FGGY: variants seen among roughly 807,000 people sequenced by gnomAD.
The protein encoded by FGGY is FGGY carbohydrate kinase domain-containing protein.
A neutral mutation model predicts 71.3 loss-of-function variants in FGGY; 72 were observed. The observed-to-expected ratio is 1.01, with a 90% CI of 0.84 to 1.23. The LOEUF (loss-of-function observed/expected upper bound fraction) is 1.23. FGGY is among the 50% of genes most tolerant of loss of function. FGGY has a pLI of 0.00. For synonymous variants in FGGY, 251 were observed against 250.3 expected (o/e 1.00, Z -0.02); for missense variants, 668 against 682.3 (o/e 0.98, Z 0.23).
At chr1:59,711,233 T>G (rs1266211258) in intron 14 of FGGY, among the ~76,000 whole-genome samples, 1 of 151,952 alleles carries the variant, frequency 6.6e-6, no homozygotes, top group Non-Finnish European at 1.5e-5. Context: ...TAAGTGGTAG[T>G]TGAACAATGA....
At chr1:59,314,669 A>C (rs367792508) in intron 1 of FGGY, among the ~76,000 whole-genome samples, 2 of 152,124 alleles carry the variant, frequency 1.3e-5, no homozygotes, top group African/African-American at 4.8e-5. Flanking sequence ...TTTATTTTTT[A>C]GTGTTGTGGA....
At chr1:59,297,999 G>C (rs2042218277) in intron 1 of FGGY, among the ~76,000 whole-genome samples, 1 of 152,170 alleles carries the variant, frequency 6.6e-6, no homozygotes, top group South Asian at 2.1e-4. Flanking sequence ...GACCAGGAGG[G>C]GTGAGGTGCT....
chr1:59,309,199 CA>C (rs1200333765), intron 1 of FGGY, among the ~76,000 whole-genome samples: 1 of 152,012 alleles, frequency 6.6e-6, no homozygotes, highest in Non-Finnish European at 1.5e-5. Flanking sequence ...ACACTTTTGC[CA>C]AGTGGGTATT....
At chr1:59,559,962 G>T (rs779546544) in intron 8 of FGGY, among the ~76,000 whole-genome samples, 1 of 152,152 alleles carries the variant, frequency 6.6e-6, no homozygotes, top group Non-Finnish European at 1.5e-5. Flanking sequence ...TCAAGGAGGT[G>T]GAGCATAACT....
rs907322658 is a variant in FGGY, at chr1:59,659,994, T to C, written c.1222-225T>C. On this transcript the variant is annotated intron_variant, in intron 11 of 15. Transcript: ENST00000303721. ...CTTCCTGTGGTATTTGTTTTGTTTTTGTTTAAGGTCAGGGTATTTTCTCTT... is the reference window on the plus strand; with the variant it reads ...CTTCCTGTGGTATTTGTTTTGTTTTCGTTTAAGGTCAGGGTATTTTCTCTT... Among the ~76,000 whole-genome samples the C allele has an allele frequency of 7.9e-5, 12 of 152,352 alleles. No homozygotes were observed. In the East Asian group the frequency reaches 9.6e-4, roughly 12 times the overall value.
At chr1:59,435,596 T>C (rs1424452949) in intron 5 of FGGY, among the ~76,000 whole-genome samples, 1 of 152,106 alleles carries the variant, frequency 6.6e-6, no homozygotes, top group African/African-American at 2.4e-5. Flanking sequence ...TGTGTCTCCT[T>C]GTTATGCAGG....
At chr1:59,347,001 G>A (rs71646035) in intron 4 of FGGY, among the ~76,000 whole-genome samples, 265 of 143,610 alleles carry the variant, frequency 1.8e-3, no homozygotes, top group Non-Finnish European at 3.5e-3. Flanking sequence ...CTTAGACGTC[G>A]TGGTGGAAGG....
chr1:59,470,466 C>T (rs2092884243), intron 6 of FGGY, among the ~76,000 whole-genome samples: 1 of 152,162 alleles, frequency 6.6e-6, no homozygotes, highest in Non-Finnish European at 1.5e-5. Flanking sequence ...ACTGTGGCCC[C>T]ACTTCCCATT....
At chr1:59,750,907 T>TAAA (rs11437779) in intron 14 of FGGY, among the ~76,000 whole-genome samples, 4 of 146,460 alleles carry the variant, frequency 2.7e-5, no homozygotes, top group Admixed American at 1.4e-4. Context: ...TCAGCATCTG[T>TAAA]AAAAAAAAAA....
At chr1:59,695,584 G>A (rs4357555) in intron 14 of FGGY, among the ~76,000 whole-genome samples, 26,923 of 152,094 alleles carry the variant, frequency 0.18, 2,775 homozygotes, top group Admixed American at 0.31. Flanking sequence ...TAATCTTGAC[G>A]GCAATGAGCA....
intron 8 of FGGY, among the ~76,000 whole-genome samples, chr1:59,574,290 C>T (rs2096041272): frequency 6.6e-6 from 1 of 152,144 alleles, no homozygotes; most frequent in African/African-American, 2.4e-5. Flanking sequence ...TCCAGCCTTG[C>T]CTTCTGTGGT....
intron 1 of FGGY, among the ~76,000 whole-genome samples, chr1:59,308,764 A>G (rs2153089760): frequency 6.6e-6 from 1 of 152,318 alleles, no homozygotes; most frequent in Admixed American, 6.5e-5. Context: ...AAGTTTGAGA[A>G]CCACTGTATT....
chr1:59,714,338 T>C (rs2097825673), intron 14 of FGGY, among the ~76,000 whole-genome samples: 1 of 152,196 alleles, frequency 6.6e-6, no homozygotes, highest in Admixed American at 6.5e-5. Context: ...GCATGAAGCC[T>C]GTAGGATCTA....
intron 5 of FGGY, among the ~76,000 whole-genome samples, chr1:59,446,496 A>G (rs1216791601): frequency 7.9e-5 from 12 of 152,208 alleles, no homozygotes; most frequent in Non-Finnish European, 1.6e-4. Flanking sequence ...CTGAAATCTG[A>G]CAGCTCTTTA....
intron 6 of FGGY, among the ~76,000 whole-genome samples, chr1:59,479,394 T>C (rs565771376): frequency 6.4e-4 from 97 of 152,312 alleles, no homozygotes; most frequent in South Asian, 2.3e-3. Context: ...CATGTCTGAT[T>C]GCTGATAAGA....
chr1:59,660,761 A>G (rs933921426), intron 12 of FGGY, among the ~76,000 whole-genome samples: 3 of 152,352 alleles, frequency 2.0e-5, no homozygotes, highest in Admixed American at 6.5e-5. Flanking sequence ...GGTTAGGATG[A>G]TTAGGGAGGA....
intron 14 of FGGY, among the ~76,000 whole-genome samples, chr1:59,675,086 A>G (rs1336415639): frequency 6.6e-6 from 1 of 152,214 alleles, no homozygotes; most frequent in Non-Finnish European, 1.5e-5. Flanking sequence ...GGCATAAAGA[A>G]GTTAAATAAC....
At chr1:59,468,872 TAA>T (rs397967555) in intron 6 of FGGY, among the ~76,000 whole-genome samples, 1,485 of 119,486 alleles carry the variant, frequency 0.012, 27 homozygotes, top group African/African-American at 0.044. Context: ...ACTCTGTCTT[TAA>T]AAAAAAAAAA....
At chr1:59,334,390 C>T (rs535638703) in intron 2 of FGGY, among the ~76,000 whole-genome samples, 24 of 152,136 alleles carry the variant, frequency 1.6e-4, no homozygotes, top group Admixed American at 1.0e-3. Context: ...GTGATCTTCC[C>T]GTCTTGGCCT....
Sources: gnomAD v4.1 joint callset for allele counts (sites outside exome capture counted in the v4.1 genomes callset) on GRCh38, gnomAD v4.1.1 for gene constraint, MANE v1.5 for transcripts, NCBI Gene and HGNC (gene_info 2026-07-23, HGNC 2026-07-21) for gene names.